The following TRMT2A variants were observed in gnomAD, a reference collection of about 807,000 sequenced individuals.
The protein encoded by TRMT2A is tRNA (uracil-5-)-methyltransferase homolog A.
TRMT2A carries 60 observed loss-of-function variants against 59.3 expected under a neutral mutation model. The ratio of observed to expected loss-of-function variants is 1.01; its 90% CI spans 0.82 to 1.26. The LOEUF is 1.26. TRMT2A is among the 50% of genes most tolerant of loss of function. The pLI is 0.00. For synonymous variants in TRMT2A, 403 were observed against 353.7 expected (o/e 1.14, Z -1.56); for missense variants, 863 against 845.2 (o/e 1.02, Z -0.26).
In TRMT2A at chr22:20,115,020, G is replaced by A; in HGVS notation, c.950C>T (p.Thr317Ile). ...CTGGTGGCGGCGGCTGGTGCGCACA[G>A]TCAGCTGCTTCCAGTGGCCTGTGTA... ...ETYTGHWKQL[T>I]VRTSRRHQAM... Residue 317 changes from threonine (T) to isoleucine (I), a missense_variant, in exon 5 of 12, where the codon ACT becomes ATT. Transcript: ENST00000252136. 6.2e-7 allele frequency: 1 copy of A among 1,600,570 alleles called. No individual in the cohort carries two copies. The highest frequency in any genetic ancestry group is 1.1e-5 in the South Asian group (1 of 88,758).
At chr22:20,115,518 CAG>C in intron 3 of TRMT2A, 71 bp from the exon 4 acceptor site, 2 of 1,572,726 alleles carry the variant, frequency 1.3e-6, no homozygotes, top group Non-Finnish European at 1.7e-6. Flanking sequence ...GATTTCCCCA[CAG>C]GGGCTGGCAG....
At position 20,112,711 on chromosome 22, in the gene TRMT2A, G is replaced by T. The variant is rs770109024; in HGVS notation, c.1730C>A (p.Thr577Asn). The change falls in exon 12 of 12, where the codon ACC becomes AAC. Residue 577 changes from threonine to asparagine, a missense_variant. Thr to Asn is a moderately conservative substitution (Grantham distance 65). Transcript: ENST00000252136. ...KAVAVDLFPQ[T>N]PHCEMLILFE... Reference sequence around the variant, plus strand: ...CAGGATGAGCATCTCACAGTGCGGGGTCTGCGGGAACAGGTCCACTGCCAC... The same window carrying T: ...CAGGATGAGCATCTCACAGTGCGGGTTCTGCGGGAACAGGTCCACTGCCAC... The T allele has an allele frequency of 4.5e-5, 72 of 1,613,888 alleles. No homozygotes were observed. Among genetic ancestry groups the T allele is most frequent in the Non-Finnish European group, 6.0e-5 (71 of 1,180,038 alleles).
Position 20,115,225 on chromosome 22 carries a change from A to C in TRMT2A, c.890+41T>G, listed in dbSNP as rs750697772. 43 of 1,590,932 alleles carry C rather than the reference A, an allele frequency of 2.7e-5. No individual in the cohort carries two copies. The East Asian group carries it at 2.9e-4, about 11-fold the overall frequency. The stretch of plus-strand genomic sequence containing the variant: ...CAGGATCACCACCCTCTGCTCCCAC[A>C]CCGCATAGGACTTCCCGGGAGCCCC... On this transcript the variant is annotated intron_variant, in intron 4 of 11. Coordinates refer to ENST00000252136, the MANE Select transcript of TRMT2A (RefSeq NM_022727.6).
rs201499233 is a variant in TRMT2A, at chr22:20,116,081, G to A, written c.556C>T (p.Arg186Trp). 31 of 1,582,950 alleles carry A rather than the reference G, an allele frequency of 2.0e-5. No homozygotes were observed. The Admixed American group carries it at 2.6e-4, about 13-fold the overall frequency. ...ACCTGCTCGCACTCCAGCTGCTTCC[G>A]CTCAAGCTGCTCAGCATAGGGCACT... ...WTVPYAEQLE[R>W]KQLECEQVLQ... Residue 186 changes from arginine to tryptophan, a missense_variant, in exon 2 of 12, where the codon CGG becomes TGG. Coordinates refer to ENST00000252136, the MANE Select transcript of TRMT2A (RefSeq NM_022727.6).
intron 5 of TRMT2A, 25 bp downstream of exon 5, chr22:20,114,940 C>T (rs2049963214): frequency 6.4e-7 from 1 of 1,572,046 alleles, no homozygotes; most frequent in Non-Finnish European, 8.6e-7. Flanking sequence ...TAGGCACCCT[C>T]CCCCAGCAGG....
In TRMT2A at chr22:20,116,519, C is replaced by G; in HGVS notation, c.118G>C (p.Glu40Gln). 6.2e-7 allele frequency: 1 copy of G among 1,611,072 alleles called. No homozygotes were observed. Among genetic ancestry groups the G allele is most frequent in the African/African-American group, 1.3e-5 (1 of 75,000 alleles). The stretch of plus-strand genomic sequence containing the variant: ...CCAGCGCCCTCTTTCTCCACCTCCT[C>G]CAGGGCTGCCGGGGCTGCAGGGGGC... ...SVPPAAPAAL[E>Q]EVEKEGAGAA... The change falls in exon 2 of 12, where the codon GAG (glutamate) becomes CAG (glutamine). Residue 40 changes from glutamate to glutamine, a missense_variant. Physicochemically the swap from Glu to Gln is conservative, Grantham distance 29. Transcript: ENST00000252136.
At chr22:20,113,346 C>T (rs1031853312) in intron 9 of TRMT2A, 86 bp downstream of exon 9, 21 of 1,530,250 alleles carry the variant, frequency 1.4e-5, no homozygotes, top group Non-Finnish European at 1.8e-5. Context: ...TGTCGGGCAG[C>T]CCCCAAGCCC....
At chr22:20,115,197 G>A in intron 4 of TRMT2A, 69 bp downstream of exon 4, 1 of 1,583,242 alleles carries the variant, frequency 6.3e-7, no homozygotes, top group Non-Finnish European at 8.6e-7. Flanking sequence ...AGAATTCCCG[G>A]GGCAGGATCA....
chr22:20,112,190 ACT>A lies in TRMT2A; in HGVS notation c.*371_*372del. ...CTTTTTTAAAGTAAGCTCTGCCCTG[ACT>A]CCCCCAGCCATGCAGAGAGGCTTGC... On this transcript the variant is annotated 3_prime_UTR_variant, in exon 12 of 12. Transcript: ENST00000252136. The A allele has an allele frequency of 3.7e-6, 1 of 269,326 alleles. No individual in the cohort carries two copies. 16.7% of individuals were successfully genotyped at this position (269,326 alleles called of 1,614,324 possible).
chr22:20,112,796 T>C lies in TRMT2A; in HGVS notation c.1647-2A>G. On this transcript the variant is annotated splice_acceptor_variant, in intron 11 of 11. Transcript: ENST00000252136. LOFTEE classifies it high-confidence loss of function. Reference sequence around the variant, plus strand: ...CGGTTAGATGGGGCTCTGCAGAGGCTGTGGGGGGAAAAGGGGGGCGCTAAG... The same window carrying C: ...CGGTTAGATGGGGCTCTGCAGAGGCCGTGGGGGGAAAAGGGGGGCGCTAAG... 2 of 1,612,912 alleles carry C rather than the reference T, an allele frequency of 1.2e-6. No individual in the cohort carries two copies. The highest frequency in any genetic ancestry group is 1.7e-6 in the Non-Finnish European group (2 of 1,179,898).
intron 1 of TRMT2A, 41 bp downstream of exon 1, chr22:20,116,834 CTCCTCCCA>C: frequency 6.5e-7 from 1 of 1,534,922 alleles, no homozygotes; most frequent in Non-Finnish European, 8.9e-7. Context: ...CCCACCCCGC[CTCCTCCCA>C]CCCCATCCCC....
At chr22:20,112,865 C>A (rs1336560860) in intron 11 of TRMT2A, 46 bp downstream of exon 11, 1 of 1,612,596 alleles carries the variant, frequency 6.2e-7, no homozygotes, top group South Asian at 1.1e-5. Context: ...GAGCTGGGGG[C>A]TTGGTAGCAG....
At position 20,116,328 on chromosome 22, in the gene TRMT2A, G is replaced by C. The variant is rs779418667; in HGVS notation, c.309C>G (p.Thr103=). 1.9e-6 allele frequency: 3 copies of C among 1,612,966 alleles called. No individual in the cohort carries two copies. The Admixed American group carries it at 5.0e-5, about 27-fold the overall frequency. Residue 103 remains threonine, a synonymous_variant, in exon 2 of 12, where the codon ACC becomes ACG. Coordinates refer to ENST00000252136, the MANE Select transcript of TRMT2A (RefSeq NM_022727.6). ...CGCAGGGTGGTTGCCCAAAGAGTTT[G>C]GTTTTGTGGGGCTGCAGACCAAAGC... ...LGRFGLQPHK[T]KLFGQPPCAF...
At chr22:20,115,972 A>G in intron 2 of TRMT2A, 66 bp downstream of exon 2, 1 of 1,504,522 alleles carries the variant, frequency 6.6e-7, no homozygotes, top group Non-Finnish European at 8.9e-7. Flanking sequence ...TGGTGCATGG[A>G]CAGGCTGAGG....
chr22:20,114,899 C>A (rs1230015502), intron 5 of TRMT2A, 23 bp from the exon 6 acceptor site: 8 of 1,573,300 alleles, frequency 5.1e-6, no homozygotes, highest in Non-Finnish European at 6.9e-6. Context: ...GTGAAAAGTT[C>A]CCATCAGGCT....
chr22:20,113,320 G>A (rs2049904998), intron 9 of TRMT2A, 86 bp from the exon 10 acceptor site: 6 of 1,507,388 alleles, frequency 4.0e-6, no homozygotes, highest in Non-Finnish European at 1.8e-6. Context: ...CAAAGAGCTT[G>A]CTCACTTGCT....
chr22:20,115,674 G>C lies in TRMT2A; in HGVS notation c.706C>G (p.Gln236Glu). 1 of 1,612,890 alleles carries C rather than the reference G, an allele frequency of 6.2e-7. No homozygotes were observed. Among genetic ancestry groups the C allele is most frequent in the Non-Finnish European group, 8.5e-7 (1 of 1,179,964 alleles). The change falls in exon 3 of 12, where the codon CAG (glutamine) becomes GAG (glutamate). Residue 236 changes from glutamine (Q) to glutamate (E), a missense_variant and splice_region_variant. By Grantham distance (29) the Gln-to-Glu change is conservative (BLOSUM62 2). Transcript: ENST00000252136. Reference sequence around the variant, plus strand: ...TGGCCACCGAAGTCTAGTCTGACCTGCTGGGGTGATGGCCTGACCCCCTCC... The same window carrying C: ...TGGCCACCGAAGTCTAGTCTGACCTCCTGGGGTGATGGCCTGACCCCCTCC... ...PLEGVRPSPQ[Q>E]TEYRNKCEFL...
At chr22:20,113,080 T>C (rs2049896261) in intron 10 of TRMT2A, 38 bp downstream of exon 10, 2 of 1,610,328 alleles carry the variant, frequency 1.2e-6, no homozygotes, top group Non-Finnish European at 8.5e-7. Context: ...CCATGTGTCC[T>C]CGTTCCCGTG....
At chr22:20,115,190 A>G in intron 4 of TRMT2A, 76 bp downstream of exon 4, 1 of 1,581,050 alleles carries the variant, frequency 6.3e-7, no homozygotes, top group Non-Finnish European at 8.6e-7. Flanking sequence ...GCACTCCAGA[A>G]TTCCCGGGGC....
Sources: allele counts gnomAD v4.1 joint callset, GRCh38; gene constraint gnomAD v4.1.1; transcripts MANE v1.5; gene names NCBI Gene and HGNC (gene_info 2026-07-23, HGNC 2026-07-21).